Variants in ALK observed in about 807,000 individuals in gnomAD.
ALK encodes the protein ALK tyrosine kinase receptor.
Under a neutral mutation model 163.1 loss-of-function variants are expected in ALK, and 74 were observed. That is an observed-to-expected ratio of 0.45 (90% confidence interval 0.38 to 0.55). The LOEUF (loss-of-function observed/expected upper bound fraction) is 0.55. Among genes scored for constraint, ALK ranks in the 20% least tolerant of loss-of-function variants. The probability of loss-of-function intolerance (pLI) is 0.00; values close to 1 mark genes in which losing one functional copy is unlikely to be tolerated. For missense variants in ALK, 2,063 were observed against 2,105.3 expected, an observed-to-expected ratio of 0.98 and a Z score of 0.39; for synonymous variants, 960 against 843.2, an observed-to-expected ratio of 1.14 and a Z score of -2.40.
intron 9 of ALK, among the ~76,000 whole-genome samples, chr2:29,282,787 G>C (rs915368109): frequency 2.0e-5 from 3 of 152,114 alleles, no homozygotes; most frequent in East Asian, 3.9e-4. Context: ...GAATCACTCA[G>C]ACCCTTCCAC....
intron 1 of ALK, among the ~76,000 whole-genome samples, chr2:29,734,081 C>A (rs556153429): frequency 1.1e-3 from 162 of 152,220 alleles, no homozygotes; most frequent in African/African-American, 3.8e-3. Context: ...AACAAGTTAG[C>A]GGCCCAATGA....
At position 29,665,973 on chromosome 2, in the gene ALK, T is replaced by C. The variant is rs73921149; in HGVS notation, c.952+28877A>G. Reference sequence around the variant, plus strand: ...AATTCCCTGCCCCATGTCTCCCTACTCTCATGCATGGGTGTTTCTCATTCC... The same window carrying C: ...AATTCCCTGCCCCATGTCTCCCTACCCTCATGCATGGGTGTTTCTCATTCC... On this transcript the variant is annotated intron_variant, in intron 3 of 28. Coordinates refer to ENST00000389048, the MANE Select transcript of ALK (RefSeq NM_004304.5). 9.1e-3 allele frequency among the ~76,000 whole-genome samples: 1,380 copies of C among 152,186 alleles called. 30 individuals carry two copies. Among genetic ancestry groups the C allele is most frequent in the African/African-American group, 0.03 (1,228 of 41,536 alleles).
intron 9 of ALK, among the ~76,000 whole-genome samples, chr2:29,288,204 G>A (rs562231327): frequency 6.6e-6 from 1 of 152,326 alleles, no homozygotes; most frequent in African/African-American, 2.4e-5. Context: ...GGGGCATAAA[G>A]GAGCTTGGCC....
At chr2:29,909,602 G>A (rs1185016465) in intron 1 of ALK, among the ~76,000 whole-genome samples, 1 of 152,128 alleles carries the variant, frequency 6.6e-6, no homozygotes, top group Non-Finnish European at 1.5e-5. Context: ...GATTCCACAA[G>A]ACTAAGCAAA....
chr2:29,392,982 T>TCAAGGTCACTGAATGTG (rs1669214328), intron 4 of ALK, among the ~76,000 whole-genome samples: 1 of 151,922 alleles, frequency 6.6e-6, no homozygotes, highest in Non-Finnish European at 1.5e-5. Flanking sequence ...CACTCAAAGT[T>TCAAGGTCACTGAATGTG]CAAGGTCACT....
intron 8 of ALK, among the ~76,000 whole-genome samples, chr2:29,311,744 C>T (rs969710823): frequency 6.6e-6 from 1 of 152,144 alleles, no homozygotes; most frequent in Non-Finnish European, 1.5e-5. Context: ...CTAGGTTCCT[C>T]TCCTGAGCCT....
chr2:29,804,336 T>C (rs1664557148), intron 1 of ALK, among the ~76,000 whole-genome samples: 1 of 152,230 alleles, frequency 6.6e-6, no homozygotes, highest in African/African-American at 2.4e-5. Context: ...TCCCAACTAA[T>C]GAGACTTTAA....
At chr2:29,600,165 C>T (rs552285994) in intron 3 of ALK, among the ~76,000 whole-genome samples, 5 of 152,266 alleles carry the variant, frequency 3.3e-5, no homozygotes, top group African/African-American at 1.2e-4. Context: ...GACTGTTTTT[C>T]CTGGGATACC....
chr2:29,447,327 G>C (rs1670710877), intron 4 of ALK, among the ~76,000 whole-genome samples: 1 of 152,188 alleles, frequency 6.6e-6, no homozygotes, highest in Admixed American at 6.5e-5. Flanking sequence ...GGCAGGGAGA[G>C]TTGAGACTAA....
chr2:29,538,782 A>C (rs1385645448), intron 3 of ALK, among the ~76,000 whole-genome samples: 1 of 152,122 alleles, frequency 6.6e-6, no homozygotes, highest in Non-Finnish European at 1.5e-5. Flanking sequence ...CATAATTCTA[A>C]ATATTATAAT....
intron 3 of ALK, among the ~76,000 whole-genome samples, chr2:29,673,782 T>G (rs924355801): frequency 2.0e-5 from 3 of 151,170 alleles, no homozygotes; most frequent in African/African-American, 7.3e-5. Context: ...ATGGCCATTT[T>G]CATGATATTG....
intron 20 of ALK, 40 bp from the exon 21 acceptor site, chr2:29,222,647 G>GTAATGA (rs1327780413): frequency 3.8e-6 from 6 of 1,588,418 alleles, no homozygotes; most frequent in Middle Eastern, 1.9e-4. Context: ...GAGTCAAACA[G>GTAATGA]GCCACAATAA....
intron 4 of ALK, among the ~76,000 whole-genome samples, chr2:29,388,884 C>T (rs1485080908): frequency 6.6e-6 from 1 of 151,948 alleles, no homozygotes; most frequent in East Asian, 1.9e-4. Context: ...AAATACAACC[C>T]CAAGAAATTA....
intron 25 of ALK, among the ~76,000 whole-genome samples, chr2:29,209,585 G>A (rs964450918): frequency 8.6e-5 from 13 of 151,164 alleles, no homozygotes; most frequent in African/African-American, 2.9e-4. Context: ...ATTACTGCAG[G>A]AAGTGTGATC....
intron 3 of ALK, among the ~76,000 whole-genome samples, chr2:29,595,824 G>C (rs1270819438): frequency 6.6e-6 from 1 of 152,200 alleles, no homozygotes; most frequent in Admixed American, 6.5e-5. Flanking sequence ...TAGCTCAGAA[G>C]GGGAGGCACA....
chr2:29,550,523 A>C (rs1231121812), intron 3 of ALK, among the ~76,000 whole-genome samples: 3 of 152,178 alleles, frequency 2.0e-5, no homozygotes, highest in African/African-American at 7.2e-5. Flanking sequence ...AGAAATCTCC[A>C]ATCTCTACAG....
At chr2:29,326,973 T>C (rs1667283729) in intron 6 of ALK, among the ~76,000 whole-genome samples, 1 of 152,140 alleles carries the variant, frequency 6.6e-6, no homozygotes, top group Non-Finnish European at 1.5e-5. Flanking sequence ...TCCATTTCAC[T>C]CCCGCCCCTG....
At chr2:29,834,307 A>C (rs1040734565) in intron 1 of ALK, among the ~76,000 whole-genome samples, 5 of 152,304 alleles carry the variant, frequency 3.3e-5, no homozygotes, top group Admixed American at 2.0e-4. Flanking sequence ...AAAGTGAAAA[A>C]TTCAGCTGAT....
At chr2:29,844,861 AC>A (rs2148396931) in intron 1 of ALK, among the ~76,000 whole-genome samples, 1 of 41,646 alleles carries the variant, frequency 2.4e-5, no homozygotes, top group African/African-American at 8.1e-5. Context: ...ACCCCCCTGC[AC>A]ACACACACAC....
Sources: allele counts gnomAD v4.1 joint callset (sites outside exome capture counted in the v4.1 genomes callset), GRCh38; gene constraint gnomAD v4.1.1; transcripts MANE v1.5; gene names NCBI Gene and HGNC (gene_info 2026-07-23, HGNC 2026-07-21).